The following LOXHD1 variants were observed in gnomAD, a reference collection of about 807,000 sequenced individuals.
LOXHD1 encodes lipoxygenase homology PLAT domains 1, also known as lipoxygenase homology domain-containing protein 1.
LOXHD1 carries 205 observed loss-of-function variants against 248.2 expected under a neutral mutation model. That is an observed-to-expected ratio of 0.83 (90% CI 0.74 to 0.93). The LOEUF (loss-of-function observed/expected upper bound fraction) is 0.93, where lower values mean the gene tolerates loss of function less well. Among genes scored for constraint, LOXHD1 ranks in the 40% least tolerant of loss-of-function variants. LOXHD1 has a pLI of 0.00. For synonymous variants in LOXHD1, 1,113 were observed against 1,162.8 expected, an observed-to-expected ratio of 0.96 and a Z score of 0.87; for missense variants, 2,930 against 2,971.6, an observed-to-expected ratio of 0.99 and a Z score of 0.33.
At chr18:46,606,426 T>C (rs188633737) in intron 6 of LOXHD1, among the ~76,000 whole-genome samples, 20 of 152,102 alleles carry the variant, frequency 1.3e-4, no homozygotes, top group Admixed American at 1.1e-3. Context: ...ACTTTTTGAG[T>C]GCTGACAACA....
intron 4 of LOXHD1, among the ~76,000 whole-genome samples, chr18:46,631,612 G>T (rs946585026): frequency 2.6e-5 from 4 of 152,090 alleles, no homozygotes; most frequent in Admixed American, 2.6e-4. Context: ...GGAAGTGAGG[G>T]GCGAGGGGCC....
intron 5 of LOXHD1, among the ~76,000 whole-genome samples, chr18:46,611,649 G>A (rs328126): frequency 0.88 from 134,483 of 152,188 alleles, 59,542 homozygotes; most frequent in East Asian, 0.98. Flanking sequence ...TAAATTTTAG[G>A]TTGTGACAGT....
At chr18:46,602,054 A>G (rs866153073) in intron 7 of LOXHD1, among the ~76,000 whole-genome samples, 2 of 152,244 alleles carry the variant, frequency 1.3e-5, no homozygotes, top group Non-Finnish European at 2.9e-5. Context: ...CTGGTCTATC[A>G]GGAGGCAATA....
intron 18 of LOXHD1, among the ~76,000 whole-genome samples, chr18:46,562,754 C>A (rs1292177434): frequency 6.6e-6 from 1 of 152,152 alleles, no homozygotes; most frequent in East Asian, 1.9e-4. Flanking sequence ...TCAACGTACA[C>A]CCAGAAAATA....
At chr18:46,540,303 G>A (rs769738033) in intron 25 of LOXHD1, among the ~76,000 whole-genome samples, 28 of 152,206 alleles carry the variant, frequency 1.8e-4, no homozygotes, top group Non-Finnish European at 3.4e-4. Flanking sequence ...ACAGGCAACA[G>A]AAAGAGACAG....
At chr18:46,494,353 C>T (rs976032612) in intron 37 of LOXHD1, among the ~76,000 whole-genome samples, 2 of 152,150 alleles carry the variant, frequency 1.3e-5, no homozygotes, top group Non-Finnish European at 2.9e-5. Context: ...ATTCTTTGCT[C>T]CAGCACAAAC....
rs893992892 is a variant in LOXHD1 at position 46,542,785 on chromosome 18, C to T, written c.3690G>A (p.Thr1230=). 9 of 1,551,706 alleles carry T rather than the reference C, an allele frequency of 5.8e-6. 1 individual carries two copies. The highest frequency in any genetic ancestry group is 1.2e-5 in the South Asian group (1 of 84,052). Residue 1230 remains threonine (T), a synonymous_variant, in exon 24 of 41, where the codon ACG becomes ACA. Coordinates refer to ENST00000642948, the MANE Select transcript of LOXHD1 (RefSeq NM_001384474.1). ...KFERDSIEIF[T]VETLDLGDLW... Reference sequence around the variant, plus strand: ...GGTCTCCCAGATCCAGCGTCTCCACCGTGAAGATTTCAATGCTGTCCCTCT... The same window carrying T: ...GGTCTCCCAGATCCAGCGTCTCCACTGTGAAGATTTCAATGCTGTCCCTCT...
chr18:46,555,369 T>C (rs1371133489), intron 21 of LOXHD1: 2 of 341,518 alleles, frequency 5.9e-6, no homozygotes, highest in African/African-American at 4.3e-5. Flanking sequence ...AGGACCCTGG[T>C]TCCCAGCCAT....
chr18:46,561,064 A>C (rs2037520320), intron 18 of LOXHD1, among the ~76,000 whole-genome samples: 1 of 152,172 alleles, frequency 6.6e-6, no homozygotes. Flanking sequence ...CGTAATAAGC[A>C]AAAAACAAAA....
rs1457765706 is a variant in LOXHD1, at chr18:46,579,672, GAGC to G, written c.1764_1766del (p.Leu589del). 3 of 1,551,598 alleles carry G rather than the reference GAGC, an allele frequency of 1.9e-6. No individual in the cohort carries two copies. The highest frequency in any genetic ancestry group is 2.0e-5 in the Admixed American group (1 of 50,990). On this transcript the variant is annotated inframe_deletion, in exon 13 of 41. Coordinates refer to ENST00000642948, the MANE Select transcript of LOXHD1 (RefSeq NM_001384474.1). ...GGTCTGTGTTATTCCTGCAGTTGTA[GAGC>G]AGCCGTTCCCCCGTGTCCCCCACAT...
intron 38 of LOXHD1, among the ~76,000 whole-genome samples, chr18:46,487,851 C>G (rs2033175258): frequency 1.3e-5 from 2 of 152,156 alleles, no homozygotes; most frequent in Non-Finnish European, 2.9e-5. Context: ...CTAGAGCCAC[C>G]CAAGACTTCC....
At chr18:46,586,984 C>T (rs1021385370) in intron 12 of LOXHD1, among the ~76,000 whole-genome samples, 2 of 152,120 alleles carry the variant, frequency 1.3e-5, no homozygotes, top group Non-Finnish European at 2.9e-5. Context: ...GTTAGAAGAA[C>T]AGGCAAAGAA....
At chr18:46,532,709 T>C (rs1296021922) in intron 28 of LOXHD1, among the ~76,000 whole-genome samples, 2 of 152,120 alleles carry the variant, frequency 1.3e-5, no homozygotes, top group Non-Finnish European at 2.9e-5. Flanking sequence ...TGAGAACAAA[T>C]ACACAATGGT....
intron 6 of LOXHD1, among the ~76,000 whole-genome samples, chr18:46,605,664 C>T (rs916998453): frequency 1.3e-5 from 2 of 152,060 alleles, no homozygotes; most frequent in African/African-American, 2.4e-5. Flanking sequence ...AGGACAGTAC[C>T]ATCCAGGATC....
intron 23 of LOXHD1, chr18:46,545,036 T>C: frequency 2.1e-6 from 1 of 476,414 alleles, no homozygotes; most frequent in Non-Finnish European, 4.0e-6. Flanking sequence ...GAGAGTATCA[T>C]GGCTGAATTT....
chr18:46,495,672 A>G (rs1248255902), intron 37 of LOXHD1, among the ~76,000 whole-genome samples: 1 of 152,246 alleles, frequency 6.6e-6, no homozygotes, highest in Non-Finnish European at 1.5e-5. Flanking sequence ...GGAAATTTAC[A>G]TATTTTCCAT....
At chr18:46,483,986 T>C (rs577119994) in intron 39 of LOXHD1, among the ~76,000 whole-genome samples, 5 of 152,196 alleles carry the variant, frequency 3.3e-5, no homozygotes, top group South Asian at 2.1e-4. Flanking sequence ...GACATCGTTA[T>C]GCAGGATGGA....
chr18:46,478,337 C>T (rs974833788), intron 40 of LOXHD1, among the ~76,000 whole-genome samples: 3 of 152,136 alleles, frequency 2.0e-5, no homozygotes, highest in Non-Finnish European at 2.9e-5. Flanking sequence ...GCGTGAGCCA[C>T]TGCGCCTGGC....
In LOXHD1 at chr18:46,546,924, G is replaced by A. The variant is rs1357644754; in HGVS notation, c.3485C>T (p.Pro1162Leu). The A allele has an allele frequency of 6.4e-7, 1 of 1,551,468 alleles. No homozygotes were observed. Among genetic ancestry groups the A allele is most frequent in the Admixed American group, 2.0e-5 (1 of 50,988 alleles). Residue 1162 changes from proline to leucine, a missense_variant, in exon 22 of 41, where the codon CCC becomes CTC. By Grantham distance (98) the Pro-to-Leu change is moderately conservative. Transcript: ENST00000642948. ...CTGCTCCAGGGCCAGGTTGTCGAGG[G>A]GGTTGTTGTCACCGCCTCCCCTACC... is the stretch of plus-strand genomic sequence containing the variant. ...EEGRGGGDNNPLDNLALEQKD... is the reference protein window; with the variant it reads ...EEGRGGGDNNLLDNLALEQKD...
Sources: allele counts gnomAD v4.1 joint callset (sites outside exome capture counted in the v4.1 genomes callset), GRCh38; gene constraint gnomAD v4.1.1; transcripts MANE v1.5; gene names NCBI Gene and HGNC (gene_info 2026-07-23, HGNC 2026-07-21).